Variants in SLF1 observed in about 807,000 individuals in gnomAD.
SLF1 encodes the protein SMC5-SMC6 complex localization factor protein 1.
In SLF1, 105 loss-of-function variants were observed where a neutral mutation model predicts 123.0. The ratio of observed to expected loss-of-function variants is 0.85; its 90% CI spans 0.73 to 1.00. The LOEUF (loss-of-function observed/expected upper bound fraction) is 1.00, where lower values mean the gene tolerates loss of function less well. SLF1 is among the 50% of genes least tolerant of loss of function. The probability of loss-of-function intolerance (pLI) is 0.00; values close to 1 mark genes in which losing one functional copy is unlikely to be tolerated. For missense variants in SLF1, 1,239 were observed against 1,223.0 expected, an observed-to-expected ratio of 1.01 and a Z score of -0.20; for synonymous variants, 434 against 406.6, an observed-to-expected ratio of 1.07 and a Z score of -0.81.
chr5:94,652,443 G>C (rs1359042435), intron 7 of SLF1, among the ~76,000 whole-genome samples: 1 of 151,972 alleles, frequency 6.6e-6, no homozygotes, highest in African/African-American at 2.4e-5. Flanking sequence ...AACTGATATG[G>C]TTTAGCTTTG....
intron 20 of SLF1, among the ~76,000 whole-genome samples, chr5:94,692,538 ATTTATC>A (rs1047833932): frequency 6.6e-6 from 1 of 152,082 alleles, no homozygotes; most frequent in Non-Finnish European, 1.5e-5. Flanking sequence ...GGTTTTAAAT[ATTTATC>A]TTTTTCCTTC....
chr5:94,630,458 C>G (rs1305006511), intron 3 of SLF1, 45 bp from the exon 4 acceptor site: 5 of 1,515,896 alleles, frequency 3.3e-6, no homozygotes, highest in Non-Finnish European at 2.7e-6. Context: ...TATCATTTAT[C>G]AGAACCAAAA....
At chr5:94,670,113 G>C in intron 12 of SLF1, 38 bp from the exon 13 acceptor site, 1 of 1,506,228 alleles carries the variant, frequency 6.6e-7, no homozygotes. Context: ...TTAGTGAATT[G>C]CTTGTATGTT....
intron 16 of SLF1, among the ~76,000 whole-genome samples, 163 bp downstream of exon 16, chr5:94,686,881 G>A (rs1030941029): frequency 3.3e-5 from 5 of 152,066 alleles, no homozygotes; most frequent in East Asian, 3.9e-4. Flanking sequence ...TCCGCCTCCC[G>A]GGTGCATGGC....
intron 20 of SLF1, among the ~76,000 whole-genome samples, chr5:94,692,982 AAAAG>A (rs1250170549): frequency 6.6e-6 from 1 of 152,208 alleles, no homozygotes; most frequent in Non-Finnish European, 1.5e-5. Context: ...TTAAAAGAAA[AAAAG>A]AAAACTGATG....
chr5:94,643,371 A>G lies in SLF1; in HGVS notation c.530A>G (p.Lys177Arg). The change falls in exon 5 of 21, where the codon AAA (lysine) becomes AGA (arginine). Residue 177 changes from lysine (K) to arginine (R), a missense_variant. Physicochemically the swap from Lys to Arg is conservative, Grantham distance 26. Transcript: ENST00000265140. ...IASNARIKAE[K>R]EKDNFKAPFY... ...AGTAATGCAAGAATTAAAGCTGAGA[A>G]AGAAAAAGATAACTTTAAGGCTCCA... The G allele has an allele frequency of 6.5e-7, 1 of 1,544,022 alleles. No homozygotes were observed. The highest frequency in any genetic ancestry group is 8.8e-7 in the Non-Finnish European group (1 of 1,142,470).
In SLF1 at chr5:94,643,387, T is replaced by C; in HGVS notation, c.546T>C (p.Phe182=). 6.5e-7 allele frequency: 1 copy of C among 1,538,016 alleles called. No individual in the cohort carries two copies. Among genetic ancestry groups the C allele is most frequent in the Non-Finnish European group, 8.8e-7 (1 of 1,138,418 alleles). ...RIKAEKEKDN[F]KAPFYPIQYL... ...AAGCTGAGAAAGAAAAAGATAACTT[T>C]AAGGCTCCATTTTATCCAATTCAGT... Residue 182 remains phenylalanine (F), a synonymous_variant, in exon 5 of 21, where the codon TTT becomes TTC. Transcript: ENST00000265140.
intron 1 of SLF1, 108 bp from the exon 2 acceptor site, chr5:94,628,703 G>T (rs987249281): frequency 1.8e-6 from 1 of 566,610 alleles, no homozygotes; most frequent in South Asian, 4.8e-5. Flanking sequence ...TTAATTCATT[G>T]TATGTTTAAT....
chr5:94,686,215 C>T (rs1348522825), intron 15 of SLF1, among the ~76,000 whole-genome samples: 1 of 152,136 alleles, frequency 6.6e-6, no homozygotes, highest in East Asian at 1.9e-4. Flanking sequence ...AAAGAAGCAT[C>T]CCTATTGTGG....
intron 18 of SLF1, chr5:94,691,318 T>G: frequency 2.3e-6 from 1 of 436,370 alleles, no homozygotes. Flanking sequence ...GTTAAACCTT[T>G]TGCAGTAGAA....
chr5:94,635,337 C>CTTT (rs34524874), intron 4 of SLF1, among the ~76,000 whole-genome samples: 3 of 43,900 alleles, frequency 6.8e-5, no homozygotes, highest in South Asian at 9.6e-4. Context: ...ACATACTCGG[C>CTTT]TTTTTTTTTT....
At chr5:94,660,137 G>C (rs1238537385) in intron 9 of SLF1, among the ~76,000 whole-genome samples, 1 of 152,216 alleles carries the variant, frequency 6.6e-6, no homozygotes, top group Non-Finnish European at 1.5e-5. Context: ...GCAGTTGGCA[G>C]AGTGGGCTGT....
chr5:94,675,418 A>G (rs1203590107), intron 14 of SLF1, among the ~76,000 whole-genome samples: 1 of 152,228 alleles, frequency 6.6e-6, no homozygotes, highest in African/African-American at 2.4e-5. Flanking sequence ...GTATTCCAAG[A>G]AAGCTGTTTT....
Position 94,661,547 on chromosome 5 carries a change from T to G in SLF1, c.1156-751T>G, listed in dbSNP as rs561373380. ...GGGTTTTTTGTTTTTTTGTTTTTTT[T>G]TTTTTGAGACCGGGTCTAGCTCTGT... is the stretch of plus-strand genomic sequence containing the variant. On this transcript the variant is annotated intron_variant, in intron 9 of 20. Transcript: ENST00000265140. Among the ~76,000 whole-genome samples the G allele has an allele frequency of 1.3e-4, 20 of 152,020 alleles. No individual in the cohort carries two copies. The South Asian group carries it at 3.1e-3, about 24-fold the overall frequency.
chr5:94,657,020 A>C (rs1182175383), intron 9 of SLF1, among the ~76,000 whole-genome samples: 3 of 148,596 alleles, frequency 2.0e-5, no homozygotes, highest in African/African-American at 7.3e-5. Flanking sequence ...TATATCTTTA[A>C]TAAATATTTA....
chr5:94,674,617 T>C (rs1340263528), intron 14 of SLF1, among the ~76,000 whole-genome samples: 1 of 152,216 alleles, frequency 6.6e-6, no homozygotes, highest in Non-Finnish European at 1.5e-5. Context: ...GTTTCTTGAT[T>C]TGCTGAGTTG....
Position 94,630,572 on chromosome 5 carries a change from C to G in SLF1, c.260C>G (p.Thr87Ser). 1 of 1,551,596 alleles carries G rather than the reference C, an allele frequency of 6.4e-7. No homozygotes were observed. The highest frequency in any genetic ancestry group is 1.2e-5 in the South Asian group (1 of 84,062). Residue 87 changes from threonine (T) to serine (S), a missense_variant, in exon 4 of 21, where the codon ACT (threonine) becomes AGT (serine). Transcript: ENST00000265140. ...AGTGGCAGATGGCTTGATGAAACAA[C>G]TTATGAATGGGGATATAAAATTGAA... ...AKSGRWLDET[T>S]YEWGYKIEKD...
chr5:94,691,755 C>T, intron 19 of SLF1, 99 bp downstream of exon 19: 2 of 918,536 alleles, frequency 2.2e-6, no homozygotes, highest in South Asian at 2.3e-5. Flanking sequence ...GTAAATTTAC[C>T]TAAGGTATCT....
At chr5:94,692,280 GT>G in intron 20 of SLF1, 24 bp downstream of exon 20, 1 of 1,594,712 alleles carries the variant, frequency 6.3e-7, no homozygotes. Flanking sequence ...TGCTAAATGG[GT>G]TTTGATAAAT....
Sources: gnomAD v4.1 joint callset for allele counts (sites outside exome capture counted in the v4.1 genomes callset) on GRCh38, gnomAD v4.1.1 for gene constraint, MANE v1.5 for transcripts, NCBI Gene and HGNC (gene_info 2026-07-23, HGNC 2026-07-21) for gene names.